Variants in PMS1 observed in about 807,000 individuals in gnomAD.
The protein encoded by PMS1 is PMS1 homolog 1, mismatch repair system component.
Under a neutral mutation model 93.1 loss-of-function variants are expected in PMS1, and 79 were observed. The ratio of observed to expected loss-of-function variants is 0.85; its 90% CI spans 0.71 to 1.02. The LOEUF (loss-of-function observed/expected upper bound fraction) is 1.02. PMS1 is among the 50% of genes least tolerant of loss of function. The probability of loss-of-function intolerance (pLI) is 0.00; values close to 1 mark genes in which losing one functional copy is unlikely to be tolerated. For missense variants in PMS1, 1,064 were observed against 1,085.3 expected, an observed-to-expected ratio of 0.98 and a Z score of 0.28; for synonymous variants, 335 against 363.4, an observed-to-expected ratio of 0.92 and a Z score of 0.89.
chr2:189,822,126 G>A (rs775647664), intron 5 of PMS1, among the ~76,000 whole-genome samples: 2 of 152,186 alleles, frequency 1.3e-5, no homozygotes, highest in East Asian at 3.9e-4. Context: ...GCGTTGGCAC[G>A]GGACATGTGG....
At chr2:189,855,180 A>G (rs747562697) in intron 9 of PMS1, 52 bp downstream of exon 9, 10 of 1,456,928 alleles carry the variant, frequency 6.9e-6, no homozygotes, top group Non-Finnish European at 9.6e-6. Context: ...TTTCCATTCT[A>G]TATGACTCAC....
intron 10 of PMS1, among the ~76,000 whole-genome samples, chr2:189,864,690 ATATATATATAT>A (rs2056469118): frequency 1.3e-3 from 11 of 8,390 alleles, no homozygotes; most frequent in African/African-American, 2.2e-3. Context: ...AAAAAAAAAT[ATATATATATAT>A]ATATATATAT....
chr2:189,804,935 A>G (rs1225408488), intron 3 of PMS1, among the ~76,000 whole-genome samples: 9 of 151,640 alleles, frequency 5.9e-5, no homozygotes, highest in Non-Finnish European at 1.0e-4. Flanking sequence ...TTACTATTGT[A>G]CTTTCATACC....
chr2:189,853,899 A>T, intron 7 of PMS1, 40 bp from the exon 8 acceptor site: 1 of 1,257,500 alleles, frequency 8.0e-7, no homozygotes, highest in South Asian at 1.3e-5. Context: ...CTTTTTAATT[A>T]CATATTATTT....
chr2:189,838,484 A>T (rs973572163), intron 5 of PMS1, among the ~76,000 whole-genome samples: 4 of 152,100 alleles, frequency 2.6e-5, no homozygotes, highest in Admixed American at 2.6e-4. Flanking sequence ...CCTGCCACCA[A>T]TCCTGCTCTT....
chr2:189,811,539 G>C (rs1268566424), intron 4 of PMS1, among the ~76,000 whole-genome samples: 1 of 152,070 alleles, frequency 6.6e-6, no homozygotes, highest in Non-Finnish European at 1.5e-5. Context: ...AGGTTGCAGG[G>C]AGCCAAGATT....
intron 5 of PMS1, among the ~76,000 whole-genome samples, chr2:189,829,101 A>G (rs566228375): frequency 6.6e-6 from 1 of 152,194 alleles, no homozygotes; most frequent in Non-Finnish European, 1.5e-5. Context: ...ACTACAGTTC[A>G]CATATCTTAA....
At chr2:189,790,078 T>C (rs2048713960) in intron 1 of PMS1, among the ~76,000 whole-genome samples, 1 of 152,226 alleles carries the variant, frequency 6.6e-6, no homozygotes, top group Non-Finnish European at 1.5e-5. Context: ...TTGAGCTTTA[T>C]ATTATTGGCT....
At chr2:189,826,559 A>C (rs1170519686) in intron 5 of PMS1, among the ~76,000 whole-genome samples, 1 of 151,944 alleles carries the variant, frequency 6.6e-6, no homozygotes, top group Non-Finnish European at 1.5e-5. Context: ...TTTGTGAAAT[A>C]TAGAAAAGAT....
At chr2:189,856,989 CT>C (rs1272344259) in intron 9 of PMS1, among the ~76,000 whole-genome samples, 3 of 152,046 alleles carry the variant, frequency 2.0e-5, no homozygotes, top group Admixed American at 1.3e-4. Context: ...ACAAAAGAGG[CT>C]TTGATGGTCA....
chr2:189,827,749 A>G (rs1420704704), intron 5 of PMS1, among the ~76,000 whole-genome samples: 1 of 152,130 alleles, frequency 6.6e-6, no homozygotes, highest in Non-Finnish European at 1.5e-5. Context: ...AGGCACAGAG[A>G]GACAAATACC....
At chr2:189,861,132 T>C (rs2055943977) in intron 9 of PMS1, among the ~76,000 whole-genome samples, 2 of 152,036 alleles carry the variant, frequency 1.3e-5, no homozygotes, top group Non-Finnish European at 2.9e-5. Flanking sequence ...TTTGTTCTTT[T>C]GTTCCTCCTT....
chr2:189,809,764 G>A (rs187431011), intron 4 of PMS1, among the ~76,000 whole-genome samples: 39 of 152,084 alleles, frequency 2.6e-4, no homozygotes, highest in African/African-American at 8.7e-4. Flanking sequence ...CCCAGGAGGC[G>A]GAGGTTGCAG....
intron 5 of PMS1, among the ~76,000 whole-genome samples, chr2:189,827,253 A>T (rs148836413): frequency 1.5e-4 from 23 of 152,298 alleles, no homozygotes; most frequent in Non-Finnish European, 2.4e-4. Flanking sequence ...ATTAACCCAA[A>T]CACACATTTC....
Position 189,847,106 on chromosome 2 carries a change from C to A in PMS1, c.699+3026C>A, listed in dbSNP as rs560059765. ...TGAACTCCTGACCTCATGATCCACC[C>A]GCCTCGGCCCCCCAAAGCGCCCATT... is the stretch of plus-strand genomic sequence containing the variant. On this transcript the variant is annotated intron_variant, in intron 6 of 12. Coordinates refer to ENST00000441310, the MANE Select transcript of PMS1 (RefSeq NM_000534.5). 1.1e-4 allele frequency among the ~76,000 whole-genome samples: 16 copies of A among 152,056 alleles called. No individual in the cohort carries two copies. The South Asian group carries it at 2.9e-3, about 28-fold the overall frequency.
chr2:189,794,264 C>T (rs2049147645), intron 2 of PMS1, among the ~76,000 whole-genome samples: 1 of 152,048 alleles, frequency 6.6e-6, no homozygotes, highest in African/African-American at 2.4e-5. Context: ...AGGTGTGTGC[C>T]ACCATGCCCG....
chr2:189,829,410 T>C (rs2052729611), intron 5 of PMS1, among the ~76,000 whole-genome samples: 1 of 152,190 alleles, frequency 6.6e-6, no homozygotes, highest in Non-Finnish European at 1.5e-5. Flanking sequence ...CTGTTGGACC[T>C]GTGATCCCTT....
chr2:189,800,098 C>T (rs5743002), intron 3 of PMS1, among the ~76,000 whole-genome samples: 4,952 of 152,278 alleles, frequency 0.033, 102 homozygotes, highest in South Asian at 0.07. Context: ...TCATTGTCTA[C>T]GCATGCAGGG....
chr2:189,793,810 C>T (rs2049101460), intron 2 of PMS1, among the ~76,000 whole-genome samples: 1 of 152,190 alleles, frequency 6.6e-6, no homozygotes. Context: ...AAATGTGTGG[C>T]TCTACATGAT....
Sources: gnomAD v4.1 joint callset for allele counts (sites outside exome capture counted in the v4.1 genomes callset) on GRCh38, gnomAD v4.1.1 for gene constraint, MANE v1.5 for transcripts, NCBI Gene and HGNC (gene_info 2026-07-23, HGNC 2026-07-21) for gene names.